Variants in MRRF observed in about 807,000 individuals in gnomAD.
MRRF encodes mitochondrial ribosome recycling factor, also known as ribosome-recycling factor, mitochondrial.
Under a neutral mutation model 25.1 loss-of-function variants are expected in MRRF, and 18 were observed. The ratio of observed to expected loss-of-function variants is 0.72; its 90% confidence interval spans 0.50 to 1.06. The LOEUF is 1.06. Ranked by LOEUF, MRRF falls within the 50% of genes least tolerant of loss-of-function variation. The probability of loss-of-function intolerance (pLI) is 0.00; values close to 1 mark genes in which losing one functional copy is unlikely to be tolerated. For missense variants in MRRF, 323 were observed against 319.3 expected, an observed-to-expected ratio of 1.01 and a Z score of -0.09; for synonymous variants, 113 against 112.1, an observed-to-expected ratio of 1.01 and a Z score of -0.05.
At chr9:122,291,307 G>C (rs998358019) in intron 4 of MRRF, among the ~76,000 whole-genome samples, 1 of 152,202 alleles carries the variant, frequency 6.6e-6, no homozygotes, top group Non-Finnish European at 1.5e-5. Context: ...ATGCGAATGA[G>C]TTAAATTTAT....
Position 122,323,815 on chromosome 9 carries a change from A to G in MRRF, c.*1198A>G, listed in dbSNP as rs1297823764. 6.6e-6 allele frequency: 1 copy of G among 152,352 alleles called. No homozygotes were observed. Among genetic ancestry groups the G allele is most frequent in the East Asian group, 1.9e-4 (1 of 5,190 alleles). 9.4% of individuals were successfully genotyped at this position (152,352 alleles called of 1,614,324 possible). A position where few individuals can be genotyped will look rare whatever the true frequency, so the allele number is the denominator to read the frequency against. On this transcript the variant is annotated 3_prime_UTR_variant, in exon 7 of 7. Transcript: ENST00000344641. ...TTAGGTAATTTGCCCAAAGTAACAA[A>G]GCAAAGCTGATCAGTGGTAGAAGGT...
At chr9:122,313,880 G>A (rs1835357196) in intron 6 of MRRF, among the ~76,000 whole-genome samples, 1 of 152,156 alleles carries the variant, frequency 6.6e-6, no homozygotes, top group African/African-American at 2.4e-5. Flanking sequence ...AAAATAGTGA[G>A]AGACAAGGGG....
chr9:122,281,588 A>G (rs951541817), intron 3 of MRRF, among the ~76,000 whole-genome samples: 1 of 152,178 alleles, frequency 6.6e-6, no homozygotes, highest in Non-Finnish European at 1.5e-5. Flanking sequence ...GTGCCATTCA[A>G]TCTCTCTCAA....
chr9:122,315,284 G>A (rs980913420), intron 6 of MRRF, among the ~76,000 whole-genome samples: 3 of 152,184 alleles, frequency 2.0e-5, no homozygotes, highest in Admixed American at 6.5e-5. Flanking sequence ...TAACAGATGC[G>A]TCCAGCTGGA....
chr9:122,273,550 T>C (rs895953584), intron 2 of MRRF, among the ~76,000 whole-genome samples: 1 of 152,126 alleles, frequency 6.6e-6, no homozygotes, highest in South Asian at 2.1e-4. Flanking sequence ...TATGTATTAG[T>C]TTTTTGAGTT....
chr9:122,302,315 GAC>G (rs1247554260), intron 5 of MRRF, among the ~76,000 whole-genome samples: 2 of 152,114 alleles, frequency 1.3e-5, no homozygotes, highest in African/African-American at 4.8e-5. Flanking sequence ...ACCCCAAAAA[GAC>G]ACTCTACCCA....
intron 6 of MRRF, among the ~76,000 whole-genome samples, chr9:122,320,550 A>AG (rs1008408206): frequency 6.6e-6 from 1 of 152,142 alleles, no homozygotes; most frequent in Non-Finnish European, 1.5e-5. Flanking sequence ...AGGCAGCCAC[A>AG]GGGGGCAAAA....
At chr9:122,272,281 T>C (rs1832507617) in intron 2 of MRRF, among the ~76,000 whole-genome samples, 1 of 152,206 alleles carries the variant, frequency 6.6e-6, no homozygotes, top group Non-Finnish European at 1.5e-5. Flanking sequence ...AGTACTGCAG[T>C]CTTCTAGTGT....
rs957532873 is a variant in MRRF at position 122,326,430 on chromosome 9, G to C, written c.*3813G>C. On this transcript the variant is annotated 3_prime_UTR_variant, in exon 7 of 7. Coordinates refer to ENST00000344641, the MANE Select transcript of MRRF (RefSeq NM_138777.5). ...CCGGCCATATAATTTTTTAGAAGGA[G>C]AGAGGGGAACTATTCATATTCTGAT... 1.3e-5 allele frequency: 2 copies of C among 152,116 alleles called. No individual in the cohort carries two copies. The highest frequency in any genetic ancestry group is 2.4e-5 in the African/African-American group (1 of 41,508). 9.4% of individuals were successfully genotyped at this position (152,116 alleles called of 1,614,324 possible).
rs75837820 is a variant in MRRF at position 122,271,587 on chromosome 9, A to T, written c.184+512A>T. Among the ~76,000 whole-genome samples, 1,309 of 152,340 alleles carry T rather than the reference A, an allele frequency of 8.6e-3. 10 individuals carry two copies. The highest frequency in any genetic ancestry group is 0.014 in the Non-Finnish European group (959 of 68,032). Reference sequence around the variant, plus strand: ...TCTGGGAAGCCTTTCCTGACCTCTTAGACTAGGTCAAGTCCCCTGTTGCCT... The same window carrying T: ...TCTGGGAAGCCTTTCCTGACCTCTTTGACTAGGTCAAGTCCCCTGTTGCCT... On this transcript the variant is annotated intron_variant, in intron 2 of 6. Coordinates refer to ENST00000344641, the MANE Select transcript of MRRF (RefSeq NM_138777.5).
At chr9:122,296,257 A>G (rs1245881233) in intron 5 of MRRF, among the ~76,000 whole-genome samples, 1 of 152,064 alleles carries the variant, frequency 6.6e-6, no homozygotes, top group East Asian at 1.9e-4. Flanking sequence ...TCTGGCAGTG[A>G]TTTTTATTTA....
intron 5 of MRRF, among the ~76,000 whole-genome samples, chr9:122,302,881 A>G (rs1834563377): frequency 2.0e-5 from 3 of 152,288 alleles, no homozygotes. Flanking sequence ...AACACTTGTT[A>G]TGATTATCAT....
intron 6 of MRRF, 85 bp downstream of exon 6, chr9:122,313,471 A>G (rs1266142436): frequency 1.3e-5 from 18 of 1,397,266 alleles, no homozygotes; most frequent in Non-Finnish European, 1.0e-6. Flanking sequence ...CAGTTAAAAC[A>G]GAATACCTCT....
intron 2 of MRRF, among the ~76,000 whole-genome samples, chr9:122,278,434 CTTTTT>C (rs910818018): frequency 6.6e-6 from 1 of 151,224 alleles, no homozygotes; most frequent in African/African-American, 2.4e-5. Flanking sequence ...TTCGTTTTCT[CTTTTT>C]TTTTACTTTT....
rs1458278642 is a variant in MRRF at position 122,326,475 on chromosome 9, C to A, written c.*3858C>A. The A allele has an allele frequency of 6.6e-6, 1 of 151,768 alleles. No individual in the cohort carries two copies. Among genetic ancestry groups the A allele is most frequent in the Admixed American group, 6.6e-5 (1 of 15,230 alleles). The allele number at this position is 151,768 out of a possible 1,614,324, so 9.4% of individuals were successfully genotyped here. A position where few individuals can be genotyped will look rare whatever the true frequency, so the allele number is the denominator to read the frequency against. ...TCTGATGTTTGCTTTTTTTTCTTAC[C>A]CTGTAACAATCATGGTCATCTGTCC... On this transcript the variant is annotated 3_prime_UTR_variant, in exon 7 of 7. Coordinates refer to ENST00000344641, the MANE Select transcript of MRRF (RefSeq NM_138777.5).
chr9:122,329,258 T>C lies in MRRF; in HGVS notation c.*6641T>C, dbSNP rs1836220956. Reference sequence around the variant, plus strand: ...TTTCTGAAAGCTAATAATTTTGTGCTGCTTTCTCTCACCTTCAAGCCTTTT... The same window carrying C: ...TTTCTGAAAGCTAATAATTTTGTGCCGCTTTCTCTCACCTTCAAGCCTTTT... On this transcript the variant is annotated 3_prime_UTR_variant, in exon 7 of 7. Transcript: ENST00000344641. The C allele has an allele frequency of 6.6e-6, 1 of 152,244 alleles. No individual in the cohort carries two copies. The highest frequency in any genetic ancestry group is 6.5e-5 in the Admixed American group (1 of 15,282). The allele number at this position is 152,244 out of a possible 1,614,324, so 9.4% of individuals were successfully genotyped here.
At chr9:122,265,555 CTTTAT>C in intron 1 of MRRF, 1 of 354,712 alleles carries the variant, frequency 2.8e-6, no homozygotes, top group Non-Finnish European at 5.5e-6. Flanking sequence ...AGTTTAGTGC[CTTTAT>C]TTTGTTTTAA....
In MRRF at chr9:122,300,163, T is replaced by C. The variant is rs547060295; in HGVS notation, c.551+8323T>C. ...AGATTGCCCCTACAGCAGCCCCATT[T>C]GGGCATAAGAACCTGGCTTTAGTAC... On this transcript the variant is annotated intron_variant, in intron 5 of 6. Transcript: ENST00000344641. Among the ~76,000 whole-genome samples the C allele has an allele frequency of 2.6e-5, 4 of 152,334 alleles. No homozygotes were observed. The East Asian group carries it at 7.7e-4, about 29-fold the overall frequency.
chr9:122,307,727 T>C (rs770739875), intron 5 of MRRF, among the ~76,000 whole-genome samples: 3 of 152,218 alleles, frequency 2.0e-5, no homozygotes, highest in African/African-American at 2.4e-5. Context: ...ATACTCAAAA[T>C]TCTGAAGCTA....
Sources: gnomAD v4.1 joint callset for allele counts (sites outside exome capture counted in the v4.1 genomes callset) on GRCh38, gnomAD v4.1.1 for gene constraint, MANE v1.5 for transcripts, NCBI Gene and HGNC (gene_info 2026-07-23, HGNC 2026-07-21) for gene names.